The following PCDHGA5 variants were observed in gnomAD, a reference collection of about 807,000 sequenced individuals.
PCDHGA5 encodes protocadherin gamma-A5.
In PCDHGA5, 36 loss-of-function variants were observed where a neutral mutation model predicts 56.7. The observed-to-expected ratio is 0.64, with a 90% CI of 0.49 to 0.84. The LOEUF is 0.84. Among genes scored for constraint, PCDHGA5 ranks in the 40% least tolerant of loss-of-function variants. PCDHGA5 has a pLI of 0.00. For synonymous variants in PCDHGA5, 563 were observed against 520.2 expected (o/e 1.08, Z -1.12); for missense variants, 1,305 against 1,201.5 (o/e 1.09, Z -1.27).
rs139211149 is a variant in PCDHGA5, at chr5:141,426,067, G to A, written c.2421+59316G>A. Among the ~76,000 whole-genome samples, 5 of 152,328 alleles carry A rather than the reference G, an allele frequency of 3.3e-5. No individual in the cohort carries two copies. The East Asian group carries it at 9.6e-4, about 29-fold the overall frequency. On this transcript the variant is annotated intron_variant, in intron 1 of 3. Coordinates refer to ENST00000518069, the MANE Select transcript of PCDHGA5 (RefSeq NM_018918.3). Reference sequence around the variant, plus strand: ...TGGCCAATGTGCTGCAAGAACTGGAGCCTGGGATCTACCAGGACGATATTC... The same window carrying A: ...TGGCCAATGTGCTGCAAGAACTGGAACCTGGGATCTACCAGGACGATATTC...
intron 1 of PCDHGA5, among the ~76,000 whole-genome samples, chr5:141,442,784 A>C (rs1267270442): frequency 2.0e-5 from 3 of 152,212 alleles, no homozygotes; most frequent in Non-Finnish European, 4.4e-5. Flanking sequence ...ATTATATTTT[A>C]TAATTTTACT....
Position 141,485,602 on chromosome 5 carries a change from G to A in PCDHGA5, c.2422-9205G>A, listed in dbSNP as rs766134158. On this transcript the variant is annotated intron_variant, in intron 1 of 3. Transcript: ENST00000518069. The surrounding 1 kb of genome is among the most constrained non-coding windows in gnomAD (Gnocchi z 5.7). ...GGCAGCAGCTGGACTTGGAAATTGG[G>A]GAGGCAGCTCCTCCAGGACAGCGTT... is the stretch of plus-strand genomic sequence containing the variant. 2.5e-6 allele frequency: 4 copies of A among 1,612,418 alleles called. No individual in the cohort carries two copies. In the Admixed American group the frequency reaches 5.0e-5, roughly 20 times the overall value.
At position 141,490,874 on chromosome 5, in the gene PCDHGA5, A is replaced by T. The variant is rs368927472; in HGVS notation, c.2422-3933A>T. 2 of 1,613,948 alleles carry T rather than the reference A, an allele frequency of 1.2e-6. No homozygotes were observed. Among genetic ancestry groups the T allele is most frequent in the Non-Finnish European group, 1.7e-6 (2 of 1,179,952 alleles). On this transcript the variant is annotated intron_variant, in intron 1 of 3. Transcript: ENST00000518069. The surrounding 1 kb of genome is among the most constrained non-coding windows in gnomAD (Gnocchi z 5.4). The stretch of plus-strand genomic sequence containing the variant: ...CGAGACTCCGGCTCTCCCCCATTGC[A>T]TGCCAACACATCTCTGCATGTGTTT...
intron 1 of PCDHGA5, chr5:141,409,818 C>G (rs1027344375): frequency 3.7e-6 from 6 of 1,610,800 alleles, no homozygotes; most frequent in African/African-American, 1.3e-5. Flanking sequence ...GACCACGGCT[C>G]GCCCACGCTC....
intron 1 of PCDHGA5, chr5:141,413,762 C>A: frequency 1.2e-6 from 2 of 1,612,894 alleles, no homozygotes; most frequent in Non-Finnish European, 8.5e-7. Flanking sequence ...GTCAAGTACC[C>A]GGAGCTGGTA....
intron 1 of PCDHGA5, chr5:141,399,347 A>G: frequency 6.2e-7 from 1 of 1,613,926 alleles, no homozygotes. Flanking sequence ...GGAACCCTAG[A>G]CCGAGAGCAA....
At chr5:141,381,798 CTCTT>C (rs372235829) in intron 1 of PCDHGA5, among the ~76,000 whole-genome samples, 40 of 144,168 alleles carry the variant, frequency 2.8e-4, no homozygotes, top group Non-Finnish European at 4.5e-4. Context: ...AGGCAATTCC[CTCTT>C]TCTTTCTTTC....
rs115035052 is a variant in PCDHGA5 at position 141,382,317 on chromosome 5, G to A, written c.2421+15566G>A. ...TTAATTAAAATTTATATACACTGAT[G>A]TAAATATTTTCTAAGTAAAATCTTT... On this transcript the variant is annotated intron_variant, in intron 1 of 3. Coordinates refer to ENST00000518069, the MANE Select transcript of PCDHGA5 (RefSeq NM_018918.3). Among the ~76,000 whole-genome samples the A allele has an allele frequency of 4.6e-3, 694 of 152,278 alleles. 4 individuals are homozygous for A. The highest frequency in any genetic ancestry group is 0.015 in the African/African-American group (631 of 41,554).
chr5:141,365,256 A>G lies in PCDHGA5; in HGVS notation c.926A>G (p.Tyr309Cys), dbSNP rs1358600488. ...GEISTLQSLD[Y>C]EESRFYLMEV... Reference sequence around the variant, plus strand: ...ATCTCAACTCTACAATCACTGGACTATGAAGAATCCAGATTCTACCTCATG... The same window carrying G: ...ATCTCAACTCTACAATCACTGGACTGTGAAGAATCCAGATTCTACCTCATG... Residue 309 changes from tyrosine to cysteine, a missense_variant, in exon 1 of 4, where the codon TAT (tyrosine) becomes TGT (cysteine). Coordinates refer to ENST00000518069, the MANE Select transcript of PCDHGA5 (RefSeq NM_018918.3). 4 of 1,613,864 alleles carry G rather than the reference A, an allele frequency of 2.5e-6. No individual in the cohort carries two copies. Among genetic ancestry groups the G allele is most frequent in the Non-Finnish European group, 3.4e-6 (4 of 1,179,876 alleles).
intron 3 of PCDHGA5, among the ~76,000 whole-genome samples, chr5:141,506,833 C>A (rs1462038297): frequency 1.3e-5 from 2 of 152,092 alleles, no homozygotes; most frequent in African/African-American, 4.8e-5. Context: ...AACTGATAGC[C>A]CTGCCCTCCA....
chr5:141,374,187 T>C (rs1770247069), intron 1 of PCDHGA5: 2 of 1,613,640 alleles, frequency 1.2e-6, no homozygotes, highest in Non-Finnish European at 1.7e-6. Context: ...CGCTACTCTA[T>C]TCCCGAGGAG....
intron 1 of PCDHGA5, among the ~76,000 whole-genome samples, chr5:141,439,132 G>C (rs1180893484): frequency 6.6e-6 from 1 of 151,054 alleles, no homozygotes; most frequent in African/African-American, 2.4e-5. Context: ...GACAGAGGTT[G>C]CAGTGAGCTG....
chr5:141,415,905 C>T (rs1278855649), intron 1 of PCDHGA5: 5 of 801,160 alleles, frequency 6.2e-6, no homozygotes, highest in Non-Finnish European at 8.6e-6. Context: ...GACAGACTTC[C>T]ATACAGAAGT....
rs1177043977 is a variant in PCDHGA5, at chr5:141,491,919, C to G, written c.2422-2888C>G. On this transcript the variant is annotated intron_variant, in intron 1 of 3. Coordinates refer to ENST00000518069, the MANE Select transcript of PCDHGA5 (RefSeq NM_018918.3). The surrounding 1 kb of genome is among the most constrained non-coding windows in gnomAD (Gnocchi z 6.9). ...CACCGGGGGTGGTGGCGACTGTGGG[C>G]GAGGGGAGGTGGGACCGACCCCCAC... 5 of 1,361,900 alleles carry G rather than the reference C, an allele frequency of 3.7e-6. No homozygotes were observed. The South Asian group carries it at 7.8e-5, about 21-fold the overall frequency. The allele number at this position is 1,361,900 out of a possible 1,614,324, so 84.4% of individuals were successfully genotyped here. A position where few individuals can be genotyped will look rare whatever the true frequency, so the allele number is the denominator to read the frequency against.
intron 1 of PCDHGA5, chr5:141,412,990 C>T: frequency 1.8e-6 from 1 of 569,958 alleles, no homozygotes. Flanking sequence ...AGAGCTCAAT[C>T]CGGATTCTCA....
intron 1 of PCDHGA5, chr5:141,372,315 C>A (rs1444112616): frequency 6.2e-7 from 1 of 1,613,564 alleles, no homozygotes; most frequent in Non-Finnish European, 8.5e-7. Context: ...CGCCCGCCAG[C>A]GCCTGCTGGT....
Position 141,476,373 on chromosome 5 carries a change from T to C in PCDHGA5, c.2422-18434T>C. 1 of 1,614,054 alleles carries C rather than the reference T, an allele frequency of 6.2e-7. No individual in the cohort carries two copies. Among genetic ancestry groups the C allele is most frequent in the Non-Finnish European group, 8.5e-7 (1 of 1,180,020 alleles). On this transcript the variant is annotated intron_variant, in intron 1 of 3. Transcript: ENST00000518069. This position sits in a 1 kb window ranked among gnomAD's most constrained non-coding sequence, Gnocchi z 7.6. ...GAGGTGAACCGGGAGACCGGAGAGA[T>C]GTTTGTGAACGACCGTCTGGATCGA...
At chr5:141,379,974 A>ACTGCAACTTC (rs1471397851) in intron 1 of PCDHGA5, among the ~76,000 whole-genome samples, 23 of 128,142 alleles carry the variant, frequency 1.8e-4, no homozygotes, top group African/African-American at 6.6e-4. Context: ...ATCTCTGCTC[A>ACTGCAACTTC]CTGCAACTTC....
At chr5:141,494,991 G>A in intron 2 of PCDHGA5, 126 bp downstream of exon 2, 1 of 1,551,148 alleles carries the variant, frequency 6.4e-7, no homozygotes, top group Non-Finnish European at 8.7e-7. Context: ...AGATCCCAGG[G>A]AGGTCTTGGT....
Sources: allele counts gnomAD v4.1 joint callset (sites outside exome capture counted in the v4.1 genomes callset), GRCh38; gene constraint gnomAD v4.1.1; non-coding constraint Gnocchi (gnomAD v3.1); transcripts MANE v1.5; gene names NCBI Gene and HGNC (gene_info 2026-07-23, HGNC 2026-07-21).